Variants in DEPDC5 observed in about 807,000 individuals in gnomAD.
The protein encoded by DEPDC5 is GATOR1 complex protein DEPDC5.
A neutral mutation model predicts 217.3 loss-of-function variants in DEPDC5; 73 were observed. The observed-to-expected ratio is 0.34, with a 90% CI of 0.28 to 0.41. The LOEUF (loss-of-function observed/expected upper bound fraction) is 0.41. Ranked by LOEUF, DEPDC5 falls within the 10% of genes least tolerant of loss-of-function variation. The probability of loss-of-function intolerance (pLI) is 1.00; values close to 1 mark genes in which losing one functional copy is unlikely to be tolerated. For synonymous variants in DEPDC5, 733 were observed against 756.7 expected (o/e 0.97, Z 0.51); for missense variants, 1,675 against 2,070.1 (o/e 0.81, Z 3.70).
At position 31,815,112 on chromosome 22, in the gene DEPDC5, C is replaced by T. The variant is rs200893602; in HGVS notation, c.1566C>T (p.Asp522=). The T allele has an allele frequency of 1.5e-5, 25 of 1,614,174 alleles. No individual in the cohort carries two copies. Among genetic ancestry groups the T allele is most frequent in the East Asian group, 8.9e-5 (4 of 44,886 alleles). Residue 522 remains aspartate (D), a synonymous_variant, in exon 21 of 43, where the codon GAC becomes GAT. Transcript: ENST00000651528. ...AGGAAGTGAGGAGCCAGGCTTCTGA[C>T]GACAGCTCCCTAGGCAAGAGTGCCA... The part of the protein sequence containing the change: ...PTEEVRSQAS[D]DSSLGKSANI...
chr22:31,897,458 G>T (rs369802953), intron 39 of DEPDC5, 24 bp from the exon 40 acceptor site: 1 of 1,585,914 alleles, frequency 6.3e-7, no homozygotes, highest in South Asian at 1.1e-5. Flanking sequence ...AGATGATATT[G>T]TTTGTTTCTG....
chr22:31,812,231 C>G (rs2088456569), intron 20 of DEPDC5, among the ~76,000 whole-genome samples: 1 of 151,844 alleles, frequency 6.6e-6, no homozygotes, highest in Non-Finnish European at 1.5e-5. Flanking sequence ...TTCAAGTGGC[C>G]CACACCCGCC....
At chr22:31,862,196 C>G (rs149016327) in intron 33 of DEPDC5, among the ~76,000 whole-genome samples, 3,310 of 150,886 alleles carry the variant, frequency 0.022, 40 homozygotes, top group Middle Eastern at 0.034. Flanking sequence ...GAGCCGAGAT[C>G]GTGCCATTGC....
intron 2 of DEPDC5, among the ~76,000 whole-genome samples, chr22:31,756,992 A>T (rs1265988479): frequency 6.6e-6 from 1 of 151,766 alleles, no homozygotes; most frequent in Admixed American, 6.6e-5. Flanking sequence ...CCTGTGCCAG[A>T]CGTAATGATT....
chr22:31,772,436 T>A (rs578120420), intron 7 of DEPDC5, among the ~76,000 whole-genome samples: 1 of 152,316 alleles, frequency 6.6e-6, no homozygotes, highest in South Asian at 2.1e-4. Context: ...TAGCCATCAC[T>A]GTGATTAGTG....
intron 7 of DEPDC5, among the ~76,000 whole-genome samples, chr22:31,776,572 C>CTTTTTTT (rs34058587): frequency 1.9e-5 from 2 of 104,172 alleles, no homozygotes. Flanking sequence ...GTACTATTCA[C>CTTTTTTT]TTTTTTTTTT....
intron 9 of DEPDC5, chr22:31,784,327 G>T: frequency 4.7e-6 from 1 of 213,764 alleles, no homozygotes; most frequent in Non-Finnish European, 9.3e-6. Context: ...TTATGATCTT[G>T]TTTTAAGATG....
intron 38 of DEPDC5, among the ~76,000 whole-genome samples, chr22:31,881,048 A>T (rs371184371): frequency 6.7e-6 from 1 of 148,238 alleles, no homozygotes; most frequent in East Asian, 2.1e-4. Context: ...GCTGTGGCTC[A>T]TGCCTGTAGC....
chr22:31,842,794 T>TA (rs1008371277), intron 27 of DEPDC5, among the ~76,000 whole-genome samples: 27 of 152,176 alleles, frequency 1.8e-4, no homozygotes, highest in African/African-American at 6.3e-4. Flanking sequence ...AGTCATCTCT[T>TA]ACAGAACTTT....
chr22:31,807,687 C>T (rs1361608022), intron 18 of DEPDC5, among the ~76,000 whole-genome samples: 1 of 152,212 alleles, frequency 6.6e-6, no homozygotes, highest in Non-Finnish European at 1.5e-5. Flanking sequence ...CCGCCTCAGC[C>T]TCCCAAAGTG....
intron 21 of DEPDC5, chr22:31,816,976 A>G (rs1456771702): frequency 6.5e-6 from 1 of 153,180 alleles, no homozygotes; most frequent in Non-Finnish European, 1.5e-5. Context: ...TGTAGCAATA[A>G]TTCAGTACTC....
At chr22:31,882,843 C>T (rs1329239603) in intron 38 of DEPDC5, among the ~76,000 whole-genome samples, 1 of 151,986 alleles carries the variant, frequency 6.6e-6, no homozygotes, top group African/African-American at 2.4e-5. Flanking sequence ...AGGCTGTTCT[C>T]AAACTCCTGG....
At chr22:31,862,429 G>A (rs745417844) in intron 33 of DEPDC5, among the ~76,000 whole-genome samples, 26 of 152,000 alleles carry the variant, frequency 1.7e-4, no homozygotes, top group Admixed American at 3.3e-4. Context: ...GTCGGGCATG[G>A]TGGCACATGC....
chr22:31,809,460 G>A, intron 18 of DEPDC5, 151 bp from the exon 19 acceptor site: 1 of 725,072 alleles, frequency 1.4e-6, no homozygotes. Flanking sequence ...CGGGAATAAA[G>A]GACCGTGGTA....
intron 39 of DEPDC5, among the ~76,000 whole-genome samples, chr22:31,895,758 A>G (rs2093539517): frequency 6.6e-6 from 1 of 151,916 alleles, no homozygotes. Context: ...ATCCTGGGAA[A>G]GCAATTTTTC....
chr22:31,892,470 G>A (rs888218740), intron 38 of DEPDC5, among the ~76,000 whole-genome samples: 16 of 152,130 alleles, frequency 1.1e-4, no homozygotes, highest in Non-Finnish European at 1.9e-4. Context: ...GAGCACCGGC[G>A]GTCAGGAGTT....
chr22:31,778,008 A>G (rs1041352969), intron 7 of DEPDC5, 91 bp from the exon 8 acceptor site: 3 of 1,450,292 alleles, frequency 2.1e-6, no homozygotes, highest in Non-Finnish European at 2.9e-6. Flanking sequence ...TTGGCTTCCC[A>G]AAGTGCTGGG....
At chr22:31,819,425 A>C (rs1452309296) in intron 22 of DEPDC5, among the ~76,000 whole-genome samples, 200 bp downstream of exon 22, 1 of 150,658 alleles carries the variant, frequency 6.6e-6, no homozygotes, top group African/African-American at 2.4e-5. Context: ...GTAACTAATT[A>C]GCTGTATAAA....
intron 31 of DEPDC5, among the ~76,000 whole-genome samples, chr22:31,851,607 A>C (rs1320139043): frequency 6.6e-6 from 1 of 152,190 alleles, no homozygotes; most frequent in African/African-American, 2.4e-5. Flanking sequence ...TGCCTGGCAC[A>C]TAGTAGGTGT....
Sources: allele counts gnomAD v4.1 joint callset (sites outside exome capture counted in the v4.1 genomes callset), GRCh38; gene constraint gnomAD v4.1.1; transcripts MANE v1.5; gene names NCBI Gene and HGNC (gene_info 2026-07-23, HGNC 2026-07-21).